The following RAB3C variants were observed in gnomAD, a reference collection of about 807,000 sequenced individuals.
The protein encoded by RAB3C is RAB3C, member RAS oncogene family, also known as ras-related protein Rab-3C.
RAB3C carries 17 observed loss-of-function variants against 26.4 expected under a neutral mutation model. The ratio of observed to expected loss-of-function variants is 0.64; its 90% CI spans 0.44 to 0.97. The LOEUF is 0.97. Ranked by LOEUF, RAB3C falls within the 50% of genes least tolerant of loss-of-function variation. The pLI is 0.00. For synonymous variants in RAB3C, 91 were observed against 95.9 expected (o/e 0.95, Z 0.30); for missense variants, 242 against 281.9 (o/e 0.86, Z 1.01).
chr5:58,584,873 G>A (rs1745979096), intron 1 of RAB3C, among the ~76,000 whole-genome samples: 1 of 151,688 alleles, frequency 6.6e-6, no homozygotes, highest in Non-Finnish European at 1.5e-5. Flanking sequence ...TGTTCAGAAA[G>A]GTCATTAAAA....
chr5:58,768,038 C>T (rs540749631), intron 3 of RAB3C, among the ~76,000 whole-genome samples: 40 of 152,248 alleles, frequency 2.6e-4, no homozygotes, highest in Admixed American at 4.6e-4. Context: ...TTGTATAAGA[C>T]TTCCAAGGCT....
At chr5:58,677,341 A>G (rs996360255) in intron 2 of RAB3C, among the ~76,000 whole-genome samples, 13 of 152,264 alleles carry the variant, frequency 8.5e-5, no homozygotes, top group African/African-American at 3.1e-4. Flanking sequence ...GCACAAGACA[A>G]TCTATACACA....
At chr5:58,658,401 A>G (rs975397197) in intron 2 of RAB3C, among the ~76,000 whole-genome samples, 1 of 152,206 alleles carries the variant, frequency 6.6e-6, no homozygotes, top group Non-Finnish European at 1.5e-5. Context: ...ATATGCAATC[A>G]TGTCATCTGC....
At chr5:58,708,471 CATCATGCCTGGCATA>C (rs1321506504) in intron 2 of RAB3C, among the ~76,000 whole-genome samples, 2 of 152,158 alleles carry the variant, frequency 1.3e-5, no homozygotes, top group Admixed American at 6.5e-5. Flanking sequence ...ACGGCATGAT[CATCATGCCTGGCATA>C]ATCCAGACAG....
chr5:58,771,826 C>A (rs1163379243), intron 3 of RAB3C, among the ~76,000 whole-genome samples: 1 of 149,442 alleles, frequency 6.7e-6, no homozygotes, highest in African/African-American at 2.5e-5. Flanking sequence ...CTTTTTTTTT[C>A]TTTCTTTTTT....
chr5:58,807,470 T>C (rs1308273833), intron 3 of RAB3C, among the ~76,000 whole-genome samples: 1 of 152,180 alleles, frequency 6.6e-6, no homozygotes, highest in Non-Finnish European at 1.5e-5. Flanking sequence ...TACCATAGAC[T>C]GGGTGGCTTA....
intron 4 of RAB3C, among the ~76,000 whole-genome samples, chr5:58,828,239 T>C (rs935947874): frequency 6.6e-6 from 1 of 152,234 alleles, no homozygotes; most frequent in Non-Finnish European, 1.5e-5. Context: ...AACATTGTAA[T>C]GCCTGAGATA....
At chr5:58,612,522 ATATATATATATATATATATATATATG>A (rs1272823242) in intron 1 of RAB3C, among the ~76,000 whole-genome samples, 5 of 54,694 alleles carry the variant, frequency 9.1e-5, no homozygotes, top group Non-Finnish European at 1.6e-4. Flanking sequence ...GTGTGTGTGT[ATATATATATATATATATATATATATG>A]TATATATATA....
At chr5:58,658,410 G>T (rs1172370163) in intron 2 of RAB3C, among the ~76,000 whole-genome samples, 2 of 152,150 alleles carry the variant, frequency 1.3e-5, no homozygotes, top group African/African-American at 4.8e-5. Context: ...CATGTCATCT[G>T]CAAACAGGAA....
At chr5:58,814,170 C>T (rs1306655162) in intron 3 of RAB3C, among the ~76,000 whole-genome samples, 2 of 152,110 alleles carry the variant, frequency 1.3e-5, no homozygotes, top group East Asian at 1.9e-4. Context: ...AAGGCCCGAG[C>T]GAGTTTTCTT....
rs748313356 is a variant in RAB3C at position 58,743,251 on chromosome 5, T to TTTTTTG, written c.371+17148_371+17153dup. 6.7e-4 allele frequency among the ~76,000 whole-genome samples: 102 copies of TTTTTTG among 152,148 alleles called. No individual in the cohort carries two copies. In the Middle Eastern group the frequency reaches 0.01, roughly 15 times the overall value. ...ACCTGGCATCATGGGGTAGGCACTG[T>TTTTTTG]TTTTTGTTTTTGTTTTTGTTTTAAG... On this transcript the variant is annotated intron_variant, in intron 3 of 4. Coordinates refer to ENST00000282878, the MANE Select transcript of RAB3C (RefSeq NM_138453.4).
intron 3 of RAB3C, among the ~76,000 whole-genome samples, chr5:58,813,633 T>TATATATATAC (rs1175890816): frequency 6.4e-4 from 11 of 17,280 alleles, no homozygotes; most frequent in South Asian, 1.6e-3. Context: ...TATATATATA[T>TATATATATAC]ACACACACAC....
intron 3 of RAB3C, among the ~76,000 whole-genome samples, chr5:58,735,873 A>G (rs1266754826): frequency 6.6e-6 from 1 of 152,122 alleles, no homozygotes; most frequent in Non-Finnish European, 1.5e-5. Context: ...TACATTCCTA[A>G]TACCCAGTAC....
At chr5:58,619,831 A>C (rs915775471) in intron 2 of RAB3C, among the ~76,000 whole-genome samples, 3 of 151,494 alleles carry the variant, frequency 2.0e-5, no homozygotes, top group African/African-American at 7.3e-5. Flanking sequence ...CTTTAAAACA[A>C]TGCTGGTACC....
intron 3 of RAB3C, chr5:58,823,793 G>A (rs1217098211): frequency 2.6e-5 from 4 of 151,764 alleles, no homozygotes; most frequent in African/African-American, 9.7e-5. Context: ...AGTTACATAT[G>A]TATACATGTG....
At chr5:58,803,126 A>G (rs1179020658) in intron 3 of RAB3C, among the ~76,000 whole-genome samples, 1 of 152,184 alleles carries the variant, frequency 6.6e-6, no homozygotes. Flanking sequence ...CTGGCTGGTG[A>G]CCATGCCCCT....
chr5:58,782,520 A>G (rs912014806), intron 3 of RAB3C, among the ~76,000 whole-genome samples: 8 of 152,188 alleles, frequency 5.3e-5, no homozygotes, highest in Admixed American at 5.2e-4. Flanking sequence ...TTGACAGTAA[A>G]TGTTAAATAT....
At chr5:58,738,413 G>T (rs1277316383) in intron 3 of RAB3C, among the ~76,000 whole-genome samples, 1 of 152,186 alleles carries the variant, frequency 6.6e-6, no homozygotes. Context: ...GTGTGCATGT[G>T]CATGTGTGTG....
At chr5:58,716,704 AC>A (rs1187960187) in intron 2 of RAB3C, among the ~76,000 whole-genome samples, 1 of 151,572 alleles carries the variant, frequency 6.6e-6, no homozygotes, top group Non-Finnish European at 1.5e-5. Flanking sequence ...TTTTATCTAA[AC>A]CCTGTTTTTG....
Sources: allele counts gnomAD v4.1 joint callset (sites outside exome capture counted in the v4.1 genomes callset), GRCh38; gene constraint gnomAD v4.1.1; transcripts MANE v1.5; gene names NCBI Gene and HGNC (gene_info 2026-07-23, HGNC 2026-07-21).